DDX23: variants seen among roughly 807,000 people sequenced by gnomAD.
DDX23 encodes DEAD-box helicase 23.
A neutral mutation model predicts 102.7 loss-of-function variants in DDX23; 33 were observed. The observed-to-expected ratio is 0.32, with a 90% confidence interval of 0.24 to 0.43. The LOEUF (loss-of-function observed/expected upper bound fraction) is 0.43, where lower values mean the gene tolerates loss of function less well. DDX23 is among the 20% of genes least tolerant of loss of function. DDX23 has a pLI of 1.00. For missense variants in DDX23, 549 were observed against 1,086.6 expected, an observed-to-expected ratio of 0.51 and a Z score of 6.96; for synonymous variants, 352 against 376.0, an observed-to-expected ratio of 0.94 and a Z score of 0.74.
Position 48,832,262 on chromosome 12 carries a change from C to T in DDX23, c.1956-76G>A, listed in dbSNP as rs2270579. 300 of 1,571,796 alleles carry T rather than the reference C, an allele frequency of 1.9e-4. No individual in the cohort carries two copies. In the East Asian group the frequency reaches 6.6e-3, roughly 34 times the overall value. On this transcript the variant is annotated intron_variant, in intron 14 of 16. Coordinates refer to ENST00000308025, the MANE Select transcript of DDX23 (RefSeq NM_004818.3). The surrounding 1 kb of genome is among the most constrained non-coding windows in gnomAD (Gnocchi z 4.4). Reference sequence around the variant, plus strand: ...GAAATGCCCAACCCTCATCTATGAACACTACTTTCAGGGTCTTTAATGCCC... The same window carrying T: ...GAAATGCCCAACCCTCATCTATGAATACTACTTTCAGGGTCTTTAATGCCC...
rs766226465 is a variant in DDX23 at position 48,837,046 on chromosome 12, G to A, written c.867-9C>T. The A allele has an allele frequency of 5.6e-6, 9 of 1,613,408 alleles. No individual in the cohort carries two copies. In the South Asian group the frequency reaches 8.8e-5, roughly 16 times the overall value. On this transcript the variant is annotated splice_polypyrimidine_tract_variant and intron_variant, in intron 8 of 16. Coordinates refer to ENST00000308025, the MANE Select transcript of DDX23 (RefSeq NM_004818.3). ...GGTGCCGTTCTTTGTACCTGGGATTGAGATAGAGGAAAAGAAAAAAGAAGG... is the reference window on the plus strand; with the variant it reads ...GGTGCCGTTCTTTGTACCTGGGATTAAGATAGAGGAAAAGAAAAAAGAAGG...
At chr12:48,850,196 C>T (rs1020972682) in intron 1 of DDX23, among the ~76,000 whole-genome samples, 1 of 151,944 alleles carries the variant, frequency 6.6e-6, no homozygotes, top group African/African-American at 2.4e-5. Flanking sequence ...AGGAACGTGG[C>T]GATGGAGATG....
chr12:48,833,232 G>A (rs993735396), intron 13 of DDX23, 45 bp downstream of exon 13: 21 of 1,609,898 alleles, frequency 1.3e-5, no homozygotes, highest in Non-Finnish European at 1.5e-5. Context: ...TGATCCACCC[G>A]CCTTGGCCTG....
rs1938382188 is a variant in DDX23, at chr12:48,831,258, G to A, written c.2123C>T (p.Ser708Phe). 1 of 1,614,126 alleles carries A rather than the reference G, an allele frequency of 6.2e-7. No homozygotes were observed. The change falls in exon 16 of 17, where the codon TCC (serine) becomes TTC (phenylalanine). Residue 708 changes from serine to phenylalanine, a missense_variant. Coordinates refer to ENST00000308025, the MANE Select transcript of DDX23 (RefSeq NM_004818.3). ...ATCCTTGGCCCCAGCCTTGAGGTTG[G>A]ACAACGCAAACTCTCGCTGCTCCTG... ...KGQEQREFALSNLKAGAKDIL... is the reference protein window; with the variant it reads ...KGQEQREFALFNLKAGAKDIL...
chr12:48,845,482 T>G, intron 2 of DDX23, 92 bp downstream of exon 2: 1 of 1,370,126 alleles, frequency 7.3e-7, no homozygotes, highest in Non-Finnish European at 1.0e-6. Flanking sequence ...AAAAAGTAGA[T>G]GCCTAATACT....
rs779852631 is a variant in DDX23, at chr12:48,845,663, T to C, written c.120A>G (p.Pro40=). 3.7e-6 allele frequency: 6 copies of C among 1,614,236 alleles called. No individual in the cohort carries two copies. Among genetic ancestry groups the C allele is most frequent in the Admixed American group, 1.7e-5 (1 of 60,026 alleles). Residue 40 remains proline (P), a synonymous_variant, in exon 2 of 17, where the codon CCA becomes CCG. Transcript: ENST00000308025. The stretch of plus-strand genomic sequence containing the variant: ...AACGATGCCGCTTTCTATCTTTAGA[T>C]GGGGAAGACTTCCGGTCCCGGTCTC... ...RDRDRDRKSS[P]SKDRKRHRSR... is the part of the protein sequence containing the mutation.
chr12:48,843,156 A>G (rs1267695896), intron 3 of DDX23, among the ~76,000 whole-genome samples: 10 of 150,040 alleles, frequency 6.7e-5, no homozygotes, highest in Non-Finnish European at 1.0e-4. Context: ...GGACACAAAC[A>G]CTGCGGAAGG....
Position 48,832,753 on chromosome 12 carries a change from T to G in DDX23, c.1804-180A>C. 1.4e-6 allele frequency: 1 copy of G among 726,466 alleles called. No individual in the cohort carries two copies. The highest frequency in any genetic ancestry group is 2.2e-6 in the Non-Finnish European group (1 of 460,936). 45.0% of individuals were successfully genotyped at this position (726,466 alleles called of 1,614,324 possible). On this transcript the variant is annotated intron_variant, in intron 13 of 16. Coordinates refer to ENST00000308025, the MANE Select transcript of DDX23 (RefSeq NM_004818.3). The surrounding 1 kb of genome is among the most constrained non-coding windows in gnomAD (Gnocchi z 4.4). ...CCCATCCTTCCTGAGTACCTGCTCATCAAGGCACTTTCCATCTTATGATGA... is the reference window on the plus strand; with the variant it reads ...CCCATCCTTCCTGAGTACCTGCTCAGCAAGGCACTTTCCATCTTATGATGA...
At chr12:48,849,102 G>C (rs1336893596) in intron 1 of DDX23, among the ~76,000 whole-genome samples, 3 of 151,922 alleles carry the variant, frequency 2.0e-5, no homozygotes, top group African/African-American at 7.2e-5. Context: ...TTGTTGCCCA[G>C]GCTAGTCTTG....
intron 3 of DDX23, among the ~76,000 whole-genome samples, chr12:48,840,456 A>G (rs1380930585): frequency 2.0e-5 from 3 of 152,034 alleles, no homozygotes; most frequent in Non-Finnish European, 2.9e-5. Context: ...GGGTTACCTG[A>G]GGTCAGGAGT....
At position 48,845,744 on chromosome 12, in the gene DDX23, T is replaced by G. The variant is rs780010950; in HGVS notation, c.39A>C (p.Ala13=). ...GELADKKDRD[A]SPSKEERKRS... is the part of the protein sequence containing the mutation. ...GCTTCCTTTCCTCCTTGGAAGGTGA[T>G]GCATCACGGTCCTTTTTGTCAGCCA... is the stretch of plus-strand genomic sequence containing the variant. Residue 13 remains alanine (A), a synonymous_variant, in exon 2 of 17, where the codon GCA becomes GCC. Transcript: ENST00000308025. 1 of 1,614,232 alleles carries G rather than the reference T, an allele frequency of 6.2e-7. No individual in the cohort carries two copies. The highest frequency in any genetic ancestry group is 8.5e-7 in the Non-Finnish European group (1 of 1,180,042).
In DDX23 at chr12:48,832,016, C is replaced by G. The variant is rs1592199201; in HGVS notation, c.2064+62G>C. ...ACTTGAAAGGAAGAGCCTAGGGGGC[C>G]CTGCTAGATTCAGAAAGCAGTGCCA... On this transcript the variant is annotated intron_variant, in intron 15 of 16. Transcript: ENST00000308025. The surrounding 1 kb of genome is among the most constrained non-coding windows in gnomAD (Gnocchi z 4.4). The G allele has an allele frequency of 2.0e-6, 3 of 1,467,992 alleles. No individual in the cohort carries two copies. The highest frequency in any genetic ancestry group is 2.9e-6 in the Non-Finnish European group (3 of 1,049,770). 90.9% of individuals were successfully genotyped at this position (1,467,992 alleles called of 1,614,324 possible).
Position 48,832,412 on chromosome 12 carries a change from G to A in DDX23, c.1955+10C>T, listed in dbSNP as rs759300564. ...CCACCCTGTTTCCCCTGGCTCAGCT[G>A]CCCTCATACCTCTTTTCTGACTCTG... On this transcript the variant is annotated intron_variant, in intron 14 of 16. Coordinates refer to ENST00000308025, the MANE Select transcript of DDX23 (RefSeq NM_004818.3). This position sits in a 1 kb window ranked among gnomAD's most constrained non-coding sequence, Gnocchi z 4.4. The A allele has an allele frequency of 6.8e-6, 11 of 1,610,976 alleles. No homozygotes were observed. The highest frequency in any genetic ancestry group is 8.5e-6 in the Non-Finnish European group (10 of 1,177,580).
At chr12:48,840,793 T>C (rs564360866) in intron 3 of DDX23, among the ~76,000 whole-genome samples, 2 of 151,610 alleles carry the variant, frequency 1.3e-5, no homozygotes, top group African/African-American at 4.8e-5. Flanking sequence ...CCTCAGGTGA[T>C]ACATCCACCT....
At chr12:48,850,937 C>T (rs900117752) in intron 1 of DDX23, among the ~76,000 whole-genome samples, 108 of 152,242 alleles carry the variant, frequency 7.1e-4, no homozygotes, top group African/African-American at 2.6e-3. Flanking sequence ...ATACAGGCAA[C>T]TTTTATTACA....
chr12:48,832,481 T>C lies in DDX23; in HGVS notation c.1896A>G (p.Ala632=). The change falls in exon 14 of 17, where the codon GCA becomes GCG. Residue 632 remains alanine (A), a synonymous_variant. Coordinates refer to ENST00000308025, the MANE Select transcript of DDX23 (RefSeq NM_004818.3). This position sits in a 1 kb window ranked among gnomAD's most constrained non-coding sequence, Gnocchi z 4.4. The stretch of plus-strand genomic sequence containing the variant: ...GTTCCACACGCTCATGGGGCTTGCC[T>C]GCGGAGCCAATGTACACCACAGCAG... ...RRPAVVYIGS[A]GKPHERVEQK... is the part of the protein sequence containing the mutation. The C allele has an allele frequency of 6.2e-7, 1 of 1,614,212 alleles. No homozygotes were observed. Among genetic ancestry groups the C allele is most frequent in the Non-Finnish European group, 8.5e-7 (1 of 1,180,042 alleles).
At chr12:48,833,217 T>A in intron 13 of DDX23, 60 bp downstream of exon 13, 1 of 1,601,478 alleles carries the variant, frequency 6.2e-7, no homozygotes, top group Non-Finnish European at 8.5e-7. Context: ...ACTCCTGAGC[T>A]CAAGTGATCC....
In DDX23 at chr12:48,832,960, A is replaced by C. The variant is rs2453472; in HGVS notation, c.1803+317T>G. On this transcript the variant is annotated intron_variant, in intron 13 of 16. Coordinates refer to ENST00000308025, the MANE Select transcript of DDX23 (RefSeq NM_004818.3). The surrounding 1 kb of genome is among the most constrained non-coding windows in gnomAD (Gnocchi z 4.4). ...CCCACCTAAGGCAAGAAAGGCCCAA[A>C]AGGAGGTTGGCAACCTTGTACAACT... is the stretch of plus-strand genomic sequence containing the variant. 0.43 allele frequency: 194,270 copies of C among 448,990 alleles called. 43,182 individuals are homozygous for C. The highest frequency in any genetic ancestry group is 0.6 in the East Asian group (13,151 of 21,972). The allele number at this position is 448,990 out of a possible 1,614,324, so 27.8% of individuals were successfully genotyped here. A position where few individuals can be genotyped will look rare whatever the true frequency, so the allele number is the denominator to read the frequency against.
In DDX23 at chr12:48,845,610, C is replaced by A. The variant is rs146180010; in HGVS notation, c.173G>T (p.Arg58Leu). ...TTTGGAACGGGAACGAGAGCGAGAA[C>A]GGCTGCCTCCTCGACGTCTATCCCT... ...RSRDRRRGGS[R>L]SRSRSRSKSA... Residue 58 changes from arginine (R) to leucine (L), a missense_variant, in exon 2 of 17, where the codon CGT (arginine) becomes CTT (leucine). Coordinates refer to ENST00000308025, the MANE Select transcript of DDX23 (RefSeq NM_004818.3). 5 of 1,614,214 alleles carry A rather than the reference C, an allele frequency of 3.1e-6. No individual in the cohort carries two copies. The South Asian group carries it at 5.5e-5, about 18-fold the overall frequency.
Sources: gnomAD v4.1 joint callset for allele counts (sites outside exome capture counted in the v4.1 genomes callset) on GRCh38, gnomAD v4.1.1 for gene constraint, Gnocchi (gnomAD v3.1) non-coding constraint, MANE v1.5 for transcripts, NCBI Gene and HGNC (gene_info 2026-07-23, HGNC 2026-07-21) for gene names.